Variants in MTOR observed in about 807,000 individuals in gnomAD.
MTOR encodes the protein mechanistic target of rapamycin kinase, also known as serine/threonine-protein kinase mTOR.
A neutral mutation model predicts 319.8 loss-of-function variants in MTOR; 70 were observed. That is an observed-to-expected ratio of 0.22 (90% CI 0.18 to 0.27). The LOEUF (loss-of-function observed/expected upper bound fraction) is 0.27, where lower values mean the gene tolerates loss of function less well. Ranked by LOEUF, MTOR falls within the 10% of genes least tolerant of loss-of-function variation. The pLI is 1.00. For missense variants in MTOR, 1,890 were observed against 3,274.4 expected (o/e 0.58, Z 10.32); for synonymous variants, 1,183 against 1,211.4 (o/e 0.98, Z 0.49).
chr1:11,233,541 T>C (rs1647094180), intron 14 of MTOR, 54 bp from the exon 15 acceptor site: 4 of 1,395,116 alleles, frequency 2.9e-6, no homozygotes, highest in Non-Finnish European at 4.1e-6. Context: ...ACTAGAAACC[T>C]TTCTTTTATA....
chr1:11,119,583 A>G (rs1642390416), intron 49 of MTOR, among the ~76,000 whole-genome samples: 1 of 146,314 alleles, frequency 6.8e-6, no homozygotes, highest in East Asian at 2.0e-4. Flanking sequence ...GAAAAAAAAA[A>G]AAAAAAAAAA....
At position 11,256,212 on chromosome 1, in the gene MTOR, G is replaced by A. The variant is rs765022224; in HGVS notation, c.505-20C>T. On this transcript the variant is annotated intron_variant, in intron 4 of 57. Transcript: ENST00000361445. Reference sequence around the variant, plus strand: ...CAGGACCTGGAGAAAAAAGCAAACCGAGAACTCTCATTGGTACCAGAGTTT... The same window carrying A: ...CAGGACCTGGAGAAAAAAGCAAACCAAGAACTCTCATTGGTACCAGAGTTT... 1.1e-5 allele frequency: 17 copies of A among 1,607,320 alleles called. No individual in the cohort carries two copies. Among genetic ancestry groups the A allele is most frequent in the Middle Eastern group, 1.7e-4 (1 of 6,050 alleles).
rs372385486 is a variant in MTOR, at chr1:11,172,392, C to T, written c.4254-4875G>A. On this transcript the variant is annotated intron_variant, in intron 28 of 57. Transcript: ENST00000361445. The stretch of plus-strand genomic sequence containing the variant: ...CTAACATGGTGAAACCCCGTCTCTA[C>T]TAAAAATACAAAAAAGTTAGCCAGG... Among the ~76,000 whole-genome samples the T allele has an allele frequency of 3.6e-3, 528 of 148,562 alleles. 5 individuals carry two copies. The highest frequency in any genetic ancestry group is 0.012 in the African/African-American group (500 of 40,252).
At chr1:11,185,845 G>C (rs954626767) in intron 28 of MTOR, among the ~76,000 whole-genome samples, 1 of 152,088 alleles carries the variant, frequency 6.6e-6, no homozygotes, top group African/African-American at 2.4e-5. Context: ...ACTTTGGGAG[G>C]CCGAGGCGGG....
chr1:11,185,877 C>G (rs1343234529), intron 28 of MTOR, among the ~76,000 whole-genome samples: 1 of 151,780 alleles, frequency 6.6e-6, no homozygotes, highest in Non-Finnish European at 1.5e-5. Flanking sequence ...ATCAGGAGAT[C>G]GAGACCATCC....
Position 11,109,182 on chromosome 1 carries a change from T to G in MTOR, c.7528+108A>C. On this transcript the variant is annotated intron_variant, in intron 56 of 57. Transcript: ENST00000361445. This position sits in a 1 kb window ranked among gnomAD's most constrained non-coding sequence, Gnocchi z 4.0. ...AAGACACTCTTTGTCAGCTGCATGG[T>G]GCCAAAGCTCGTCACTAACACCACT... 2.2e-6 allele frequency: 2 copies of G among 911,254 alleles called. No individual in the cohort carries two copies. Among genetic ancestry groups the G allele is most frequent in the Admixed American group, 4.6e-5 (2 of 43,782 alleles). 56.4% of individuals were successfully genotyped at this position (911,254 alleles called of 1,614,324 possible). A position where few individuals can be genotyped will look rare whatever the true frequency, so the allele number is the denominator to read the frequency against.
At chr1:11,241,766 C>A in intron 9 of MTOR, 85 bp from the exon 10 acceptor site, 1 of 1,504,538 alleles carries the variant, frequency 6.6e-7, no homozygotes, top group Non-Finnish European at 9.1e-7. Flanking sequence ...GCAAGGAGAG[C>A]AGGTTACTCA....
intron 17 of MTOR, 110 bp downstream of exon 17, chr1:11,231,190 G>A (rs1253851796): frequency 1.3e-6 from 2 of 1,580,448 alleles, no homozygotes; most frequent in South Asian, 1.2e-5. Context: ...AAATTGGAGA[G>A]GGACAGGAAG....
chr1:11,200,795 C>T (rs1571149626), intron 26 of MTOR, among the ~76,000 whole-genome samples: 1 of 152,214 alleles, frequency 6.6e-6, no homozygotes, highest in East Asian at 1.9e-4. Context: ...GCGGGCGGAT[C>T]ACAAGGTCAG....
intron 29 of MTOR, among the ~76,000 whole-genome samples, chr1:11,164,320 G>GT (rs1414753198): frequency 7.9e-6 from 1 of 126,690 alleles, no homozygotes; most frequent in Non-Finnish European, 1.6e-5. Flanking sequence ...GGGCGACAGA[G>GT]TAAGACTCTG....
intron 1 of MTOR, among the ~76,000 whole-genome samples, chr1:11,262,052 C>A (rs752388713): frequency 6.6e-6 from 1 of 152,162 alleles, no homozygotes; most frequent in Non-Finnish European, 1.5e-5. Flanking sequence ...GGGACTGGAT[C>A]TCTGAGAGGT....
chr1:11,209,321 GT>G lies in MTOR; in HGVS notation c.3791del (p.Asn1264ThrfsTer21). On this transcript the variant is annotated frameshift_variant, in exon 25 of 58. Coordinates refer to ENST00000361445, the MANE Select transcript of MTOR (RefSeq NM_004958.4). LOFTEE classifies it high-confidence loss of function. ...PMKKLHVSTI[N>X]LQKAWGAARR... The stretch of plus-strand genomic sequence containing the variant: ...GAAACAATGGACTTGCCTTTTGGAG[GT>G]TGATGGTGCTGACGTGCAGTTTCTT... 1 of 1,614,180 alleles carries G rather than the reference GT, an allele frequency of 6.2e-7. No individual in the cohort carries two copies.
At chr1:11,174,896 C>A (rs751440265) in intron 28 of MTOR, among the ~76,000 whole-genome samples, 5 of 152,158 alleles carry the variant, frequency 3.3e-5, no homozygotes, top group South Asian at 2.1e-4. Context: ...CACCACAAAC[C>A]AGACCCTGCT....
intron 28 of MTOR, chr1:11,194,477 T>C (rs1272590559): frequency 6.2e-7 from 1 of 1,614,116 alleles, no homozygotes; most frequent in Non-Finnish European, 8.5e-7. Flanking sequence ...GAGGGCAACC[T>C]GCGCTACGCT....
chr1:11,121,692 T>A lies in MTOR; in HGVS notation c.6810+287A>T, dbSNP rs984257235. ...TATTACTTACACATCTACTAAACATTATTTCTCCATATGGCCAGTGCTTTG... is the reference window on the plus strand; with the variant it reads ...TATTACTTACACATCTACTAAACATAATTTCTCCATATGGCCAGTGCTTTG... On this transcript the variant is annotated intron_variant, in intron 48 of 57. Coordinates refer to ENST00000361445, the MANE Select transcript of MTOR (RefSeq NM_004958.4). This position sits in a 1 kb window ranked among gnomAD's most constrained non-coding sequence, Gnocchi z 4.9. Among the ~76,000 whole-genome samples the A allele has an allele frequency of 6.6e-6, 1 of 152,198 alleles. No homozygotes were observed. Among genetic ancestry groups the A allele is most frequent in the African/African-American group, 2.4e-5 (1 of 41,458 alleles).
At chr1:11,183,236 T>C (rs1205265200) in intron 28 of MTOR, among the ~76,000 whole-genome samples, 1 of 152,220 alleles carries the variant, frequency 6.6e-6, no homozygotes, top group African/African-American at 2.4e-5. Flanking sequence ...TAGCTTTTCA[T>C]GTATTTATAA....
chr1:11,192,005 A>G (rs900062726), intron 28 of MTOR, among the ~76,000 whole-genome samples: 1 of 152,182 alleles, frequency 6.6e-6, no homozygotes, highest in Non-Finnish European at 1.5e-5. Context: ...AATTTATTTC[A>G]GAGTTAACCT....
intron 49 of MTOR, among the ~76,000 whole-genome samples, chr1:11,119,617 G>A (rs1221445203): frequency 8.4e-5 from 11 of 130,566 alleles, no homozygotes; most frequent in South Asian, 2.7e-4. Flanking sequence ...ATGGTGGCAC[G>A]CGCCTGTAAT....
chr1:11,159,894 C>T (rs1228106725), intron 29 of MTOR, among the ~76,000 whole-genome samples: 1 of 152,024 alleles, frequency 6.6e-6, no homozygotes, highest in Non-Finnish European at 1.5e-5. Flanking sequence ...TCCGGGAATT[C>T]AATACTAAGT....
Sources: allele counts gnomAD v4.1 joint callset (sites outside exome capture counted in the v4.1 genomes callset), GRCh38; gene constraint gnomAD v4.1.1; non-coding constraint Gnocchi (gnomAD v3.1); transcripts MANE v1.5; gene names NCBI Gene and HGNC (gene_info 2026-07-23, HGNC 2026-07-21).